The following MAP3K21 variants were observed in gnomAD, a reference collection of about 807,000 sequenced individuals.
MAP3K21 encodes mitogen-activated protein kinase kinase kinase 21.
A neutral mutation model predicts 86.1 loss-of-function variants in MAP3K21; 63 were observed. The ratio of observed to expected loss-of-function variants is 0.73; its 90% CI spans 0.60 to 0.90. The LOEUF (loss-of-function observed/expected upper bound fraction) is 0.90, where lower values mean the gene tolerates loss of function less well. Ranked by LOEUF, MAP3K21 falls within the 40% of genes least tolerant of loss-of-function variation. The pLI is 0.00. For missense variants in MAP3K21, 1,220 were observed against 1,367.7 expected (o/e 0.89, Z 1.70); for synonymous variants, 558 against 564.8 (o/e 0.99, Z 0.17).
intron 4 of MAP3K21, among the ~76,000 whole-genome samples, chr1:233,357,580 C>G (rs1343385965): frequency 6.6e-6 from 1 of 152,130 alleles, no homozygotes; most frequent in Non-Finnish European, 1.5e-5. Context: ...AGGAGAGGCA[C>G]CAATCCCACC....
At chr1:233,361,271 A>C (rs1193963608) in intron 4 of MAP3K21, among the ~76,000 whole-genome samples, 1 of 152,242 alleles carries the variant, frequency 6.6e-6, no homozygotes, top group Non-Finnish European at 1.5e-5. Context: ...GTACTTCAAA[A>C]ACCAAAACCA....
At chr1:233,381,091 G>C (rs1037484639) in intron 9 of MAP3K21, among the ~76,000 whole-genome samples, 16 of 152,166 alleles carry the variant, frequency 1.1e-4, no homozygotes, top group African/African-American at 3.4e-4. Flanking sequence ...GTACTATTTG[G>C]TAAGTTTGTG....
intron 5 of MAP3K21, among the ~76,000 whole-genome samples, chr1:233,363,194 AT>A (rs147971895): frequency 0.013 from 1,989 of 152,306 alleles, 32 homozygotes; most frequent in African/African-American, 0.043. Flanking sequence ...TATGTATTAT[AT>A]ATTAGAGTGC....
chr1:233,374,403 T>C (rs1663747897), intron 6 of MAP3K21, among the ~76,000 whole-genome samples: 8 of 152,210 alleles, frequency 5.3e-5, no homozygotes, highest in Admixed American at 5.2e-4. Context: ...CTTGAACTCC[T>C]GACCTCATGA....
At chr1:233,337,619 G>A (rs1662942282) in intron 1 of MAP3K21, among the ~76,000 whole-genome samples, 1 of 152,070 alleles carries the variant, frequency 6.6e-6, no homozygotes, top group African/African-American at 2.4e-5. Context: ...TTTTTAATTT[G>A]GCTAACTTGG....
intron 4 of MAP3K21, among the ~76,000 whole-genome samples, chr1:233,356,868 T>C (rs935505907): frequency 3.9e-5 from 6 of 152,220 alleles, no homozygotes; most frequent in African/African-American, 1.4e-4. Flanking sequence ...AACAGTTAAG[T>C]TCCCACGACA....
intron 5 of MAP3K21, among the ~76,000 whole-genome samples, chr1:233,367,859 C>A (rs76263083): frequency 5.2e-3 from 628 of 121,446 alleles, no homozygotes; most frequent in Non-Finnish European, 5.3e-3. Context: ...GACTCCGTCT[C>A]AAAAAAAAAA....
chr1:233,343,663 A>G (rs1403570908), intron 1 of MAP3K21, among the ~76,000 whole-genome samples: 1 of 152,210 alleles, frequency 6.6e-6, no homozygotes, highest in Non-Finnish European at 1.5e-5. Context: ...TAGGCTCTGG[A>G]GTCAGACTGC....
intron 2 of MAP3K21, among the ~76,000 whole-genome samples, chr1:233,353,193 C>T (rs766429036): frequency 1.3e-5 from 2 of 152,064 alleles, no homozygotes; most frequent in Admixed American, 6.6e-5. Context: ...AAAAAAGAGA[C>T]GTATGTCCTG....
intron 2 of MAP3K21, among the ~76,000 whole-genome samples, chr1:233,348,892 T>A (rs1289374672): frequency 1.3e-5 from 2 of 152,218 alleles, no homozygotes; most frequent in Non-Finnish European, 2.9e-5. Flanking sequence ...AAATTGTTTT[T>A]CCTTTTAAAT....
intron 5 of MAP3K21, among the ~76,000 whole-genome samples, chr1:233,365,614 C>T (rs115005037): frequency 0.015 from 2,271 of 152,118 alleles, 54 homozygotes; most frequent in African/African-American, 0.052. Flanking sequence ...ATCAAAGAGA[C>T]GAAAAATAGT....
Position 233,328,975 on chromosome 1 carries a change from C to G in MAP3K21, c.805+142C>G, listed in dbSNP as rs1242947350. 5.0e-6 allele frequency: 4 copies of G among 795,992 alleles called. No homozygotes were observed. In the African/African-American group the frequency reaches 7.2e-5, roughly 14 times the overall value. 49.3% of individuals were successfully genotyped at this position (795,992 alleles called of 1,614,324 possible). On this transcript the variant is annotated intron_variant, in intron 1 of 9. Transcript: ENST00000366624. The surrounding 1 kb of genome is among the most constrained non-coding windows in gnomAD (Gnocchi z 8.7). ...AACTCATGCCCAGGCCTTCAGGGCTCGGAAGTCCAGCTAGTCCTTGGTTAC... is the reference window on the plus strand; with the variant it reads ...AACTCATGCCCAGGCCTTCAGGGCTGGGAAGTCCAGCTAGTCCTTGGTTAC...
chr1:233,371,598 G>A (rs1322645597), intron 5 of MAP3K21, among the ~76,000 whole-genome samples: 1 of 152,142 alleles, frequency 6.6e-6, no homozygotes, highest in Non-Finnish European at 1.5e-5. Flanking sequence ...AGCCTCAAGT[G>A]ATCTGCCCAC....
intron 1 of MAP3K21, among the ~76,000 whole-genome samples, chr1:233,337,832 T>C (rs1662946363): frequency 6.6e-6 from 1 of 152,218 alleles, no homozygotes; most frequent in South Asian, 2.1e-4. Context: ...TTTAAGCTAT[T>C]GGAAAAAGAG....
chr1:233,384,353 A>G lies in MAP3K21; in HGVS notation c.*1642A>G, dbSNP rs78633840. 9.8e-5 allele frequency: 15 copies of G among 152,310 alleles called. No individual in the cohort carries two copies. Among genetic ancestry groups the G allele is most frequent in the African/African-American group, 3.6e-4 (15 of 41,580 alleles). The allele number at this position is 152,310 out of a possible 1,614,324, so 9.4% of individuals were successfully genotyped here. The stretch of plus-strand genomic sequence containing the variant: ...GTATTAACATGGTAAGTTTTGCCCT[A>G]AGGAAAACGATCTTGCATTCTGGAT... On this transcript the variant is annotated 3_prime_UTR_variant, in exon 10 of 10. Coordinates refer to ENST00000366624, the MANE Select transcript of MAP3K21 (RefSeq NM_032435.3).
At position 233,353,801 on chromosome 1, in the gene MAP3K21, T is replaced by C; in HGVS notation, c.987-6T>C. 6.4e-7 allele frequency: 1 copy of C among 1,568,616 alleles called. No individual in the cohort carries two copies. ...CCATTGAGCATATGAAATCCTTGCT[T>C]TCTAGCTATGGAGTGCTGCTGTGGG... On this transcript the variant is annotated splice_polypyrimidine_tract_variant and splice_region_variant and intron_variant, in intron 2 of 9. Coordinates refer to ENST00000366624, the MANE Select transcript of MAP3K21 (RefSeq NM_032435.3).
intron 1 of MAP3K21, among the ~76,000 whole-genome samples, chr1:233,345,494 ACACTGCATATTCT>A (rs1217303100): frequency 4.0e-5 from 6 of 151,048 alleles, no homozygotes; most frequent in Admixed American, 3.3e-4. Context: ...AGAAAACCAA[ACACTGCATATTCT>A]CACTCATAGG....
rs184565848 is a variant in MAP3K21, at chr1:233,383,917, C to T, written c.*1206C>T. ...ATCAGGATTTAAATAATAAAATTAT[C>T]TATGAATCACTTTTATGGTCATACA... On this transcript the variant is annotated 3_prime_UTR_variant, in exon 10 of 10. Coordinates refer to ENST00000366624, the MANE Select transcript of MAP3K21 (RefSeq NM_032435.3). The T allele has an allele frequency of 1.7e-3, 262 of 152,184 alleles. 1 individual carries two copies. The highest frequency in any genetic ancestry group is 5.8e-3 in the African/African-American group (241 of 41,518). 9.4% of individuals were successfully genotyped at this position (152,184 alleles called of 1,614,324 possible).
chr1:233,352,888 G>A (rs1663276421), intron 2 of MAP3K21, among the ~76,000 whole-genome samples: 1 of 152,188 alleles, frequency 6.6e-6, no homozygotes, highest in Non-Finnish European at 1.5e-5. Context: ...AGAAAACTAA[G>A]GTACTGACTT....
Sources: allele counts gnomAD v4.1 joint callset (sites outside exome capture counted in the v4.1 genomes callset), GRCh38; gene constraint gnomAD v4.1.1; non-coding constraint Gnocchi (gnomAD v3.1); transcripts MANE v1.5; gene names NCBI Gene and HGNC (gene_info 2026-07-23, HGNC 2026-07-21).